Variants in NARF observed in about 807,000 individuals in gnomAD.
The protein encoded by NARF is nuclear prelamin A recognition factor, also known as iron-only hydrogenase-like protein 2.
In NARF, 41 loss-of-function variants were observed where a neutral mutation model predicts 48.0. The observed-to-expected ratio is 0.85, with a 90% CI of 0.66 to 1.11. The LOEUF (loss-of-function observed/expected upper bound fraction) is 1.11, where lower values mean the gene tolerates loss of function less well. Among genes scored for constraint, NARF ranks in the 50% least tolerant of loss-of-function variants. NARF has a pLI of 0.00. For synonymous variants in NARF, 215 were observed against 225.5 expected, an observed-to-expected ratio of 0.95 and a Z score of 0.42; for missense variants, 613 against 590.2, an observed-to-expected ratio of 1.04 and a Z score of -0.40.
intron 1 of NARF, 112 bp downstream of exon 1, chr17:82,458,942 GCGCCCC>G: frequency 8.1e-7 from 1 of 1,230,270 alleles, no homozygotes; most frequent in Non-Finnish European, 1.0e-6. Flanking sequence ...GCTCTTCAAG[GCGCCCC>G]CGGCCTCGGC....
intron 10 of NARF, 118 bp downstream of exon 10, chr17:82,485,772 A>AGAG: frequency 8.3e-7 from 1 of 1,211,950 alleles, no homozygotes; most frequent in Non-Finnish European, 1.2e-6. Context: ...CAGCCCTGAG[A>AGAG]GCTTTGTAGG....
intron 10 of NARF, among the ~76,000 whole-genome samples, chr17:82,486,520 G>A (rs950034117): frequency 6.6e-6 from 1 of 152,194 alleles, no homozygotes; most frequent in Non-Finnish European, 1.5e-5. Flanking sequence ...AGGAGGGGAG[G>A]CCTCAGCCAG....
At position 82,460,094 on chromosome 17, in the gene NARF, G is replaced by A; in HGVS notation, c.108+22G>A. 2 of 1,603,778 alleles carry A rather than the reference G, an allele frequency of 1.2e-6. 1 individual carries two copies. The highest frequency in any genetic ancestry group is 1.7e-6 in the Non-Finnish European group (2 of 1,170,914). ...AGAGGCAAGTAGATTTTTCAGTTTTGTATCAGCCCAGAGTAAACTACTGCT... is the reference window on the plus strand; with the variant it reads ...AGAGGCAAGTAGATTTTTCAGTTTTATATCAGCCCAGAGTAAACTACTGCT... On this transcript the variant is annotated intron_variant, in intron 2 of 10. Coordinates refer to ENST00000309794, the MANE Select transcript of NARF (RefSeq NM_012336.4).
At chr17:82,480,073 G>A (rs1419258677) in intron 6 of NARF, 2 of 179,110 alleles carry the variant, frequency 1.1e-5, no homozygotes, top group Admixed American at 6.3e-5. Context: ...TGCAACCAGG[G>A]GCGGGTTTCC....
Position 82,489,095 on chromosome 17 carries a change from CTG to C in NARF, c.*940_*941del, listed in dbSNP as rs886830536. 11 of 152,862 alleles carry C rather than the reference CTG, an allele frequency of 7.2e-5. No homozygotes were observed. Among genetic ancestry groups the C allele is most frequent in the East Asian group, 1.9e-4 (1 of 5,196 alleles). 9.5% of individuals were successfully genotyped at this position (152,862 alleles called of 1,614,324 possible). A position where few individuals can be genotyped will look rare whatever the true frequency, so the allele number is the denominator to read the frequency against. On this transcript the variant is annotated 3_prime_UTR_variant, in exon 11 of 11. Transcript: ENST00000309794. ...GGATTTTCAGCTTTTCTTAGAAAAA[CTG>C]TAGTTTCTGACAACAGTAGGCCCCA...
At chr17:82,458,499 C>T (rs1166313532), upstream of NARF, 16 of 364,868 alleles carry the variant, frequency 4.4e-5, no homozygotes, top group African/African-American at 8.4e-5. Context: ...GACCCGGTCC[C>T]CCCGGCGCCG....
At chr17:82,483,024 T>TAA (rs981707930) in intron 7 of NARF, 1 of 144,354 alleles carries the variant, frequency 6.9e-6, no homozygotes, top group South Asian at 2.2e-4. Flanking sequence ...CCTTGTTTCT[T>TAA]AAAAAAAAAA....
chr17:82,476,007 T>TTTTA (rs1253954075), intron 5 of NARF, among the ~76,000 whole-genome samples: 3 of 152,134 alleles, frequency 2.0e-5, no homozygotes, highest in East Asian at 1.9e-4. Context: ...TTATTTTTTA[T>TTTTA]TTTATTTATT....
At chr17:82,467,468 T>G (rs967193162) in intron 3 of NARF, among the ~76,000 whole-genome samples, 7 of 151,994 alleles carry the variant, frequency 4.6e-5, no homozygotes, top group African/African-American at 9.7e-5. Flanking sequence ...ATCTTAGGCC[T>G]GGTAACTTTT....
Position 82,485,600 on chromosome 17 carries a change from C to T in NARF, c.1075C>T (p.Leu359Phe). Residue 359 changes from leucine to phenylalanine, a missense_variant, in exon 10 of 11, where the codon CTT becomes TTT. Physicochemically the swap from Leu to Phe is conservative, Grantham distance 22 (BLOSUM62 0). Transcript: ENST00000309794. ...FRNIQNMILK[L>F]KKGKFPFHFV... The stretch of plus-strand genomic sequence containing the variant: ...AAACATCCAGAACATGATCCTGAAG[C>T]TTAAGAAGGGCAAGTTCCCATTCCA... 6.2e-7 allele frequency: 1 copy of T among 1,614,188 alleles called. No individual in the cohort carries two copies. Among genetic ancestry groups the T allele is most frequent in the Non-Finnish European group, 8.5e-7 (1 of 1,180,044 alleles).
intron 3 of NARF, among the ~76,000 whole-genome samples, chr17:82,468,025 G>C (rs185797117): frequency 4.6e-5 from 7 of 152,226 alleles, no homozygotes; most frequent in Admixed American, 4.6e-4. Flanking sequence ...TTAAGACAGA[G>C]TATTGGCCAG....
chr17:82,488,074 A>G lies in NARF; in HGVS notation c.1288A>G (p.Asn430Asp). The G allele has an allele frequency of 6.2e-7, 1 of 1,614,022 alleles. No homozygotes were observed. Among genetic ancestry groups the G allele is most frequent in the Non-Finnish European group, 8.5e-7 (1 of 1,180,036 alleles). The change falls in exon 11 of 11, where the codon AAC becomes GAC. Residue 430 changes from asparagine to aspartate, a missense_variant. Coordinates refer to ENST00000309794, the MANE Select transcript of NARF (RefSeq NM_012336.4). ...ELYQEWLEGI[N>D]SPKAREVLHT... ...GTACCAGGAGTGGCTGGAGGGGATC[A>G]ACTCCCCCAAGGCCCGAGAGGTGCT...
chr17:82,464,870 C>T (rs2043526196), intron 3 of NARF, among the ~76,000 whole-genome samples: 1 of 152,232 alleles, frequency 6.6e-6, no homozygotes, highest in Non-Finnish European at 1.5e-5. Context: ...ATTCCCAAAG[C>T]TCCTTCCTTC....
At chr17:82,459,528 A>G (rs540573788) in intron 1 of NARF, 73 of 157,858 alleles carry the variant, frequency 4.6e-4, no homozygotes, top group Admixed American at 9.4e-4. Context: ...TAAACAATAG[A>G]GATGTGTGTG....
upstream of NARF, chr17:82,458,433 G>C (rs2043337733): frequency 4.5e-6 from 1 of 221,782 alleles, no homozygotes; most frequent in Admixed American, 5.9e-5. Context: ...CCTGGTGAAC[G>C]CCGCTTGGCC....
chr17:82,482,938 G>A (rs2044006749), intron 7 of NARF, among the ~76,000 whole-genome samples: 1 of 151,738 alleles, frequency 6.6e-6, no homozygotes, highest in Non-Finnish European at 1.5e-5. Flanking sequence ...GGGATTACAG[G>A]TGCGCCCCAC....
At position 82,481,126 on chromosome 17, in the gene NARF, T is replaced by C. The variant is rs779249239; in HGVS notation, c.684T>C (p.Cys228=). The part of the protein sequence containing the change: ...EKIFHVIVAP[C]YDKKLEALQE... Reference sequence around the variant, plus strand: ...TTTTCCACGTCATTGTGGCCCCTTGTTATGACAAGAAGCTGGAGGCTCTTC... The same window carrying C: ...TTTTCCACGTCATTGTGGCCCCTTGCTATGACAAGAAGCTGGAGGCTCTTC... Residue 228 remains cysteine, a synonymous_variant, in exon 7 of 11, where the codon TGT becomes TGC. Coordinates refer to ENST00000309794, the MANE Select transcript of NARF (RefSeq NM_012336.4). 22 of 1,613,976 alleles carry C rather than the reference T, an allele frequency of 1.4e-5. 1 individual carries two copies. In the South Asian group the frequency reaches 1.8e-4, roughly 13 times the overall value.
At position 82,483,772 on chromosome 17, in the gene NARF, G is replaced by A. The variant is rs202157877; in HGVS notation, c.826G>A (p.Asp276Asn). The A allele has an allele frequency of 6.8e-6, 11 of 1,613,602 alleles. No individual in the cohort carries two copies. Among genetic ancestry groups the A allele is most frequent in the Admixed American group, 1.7e-5 (1 of 60,016 alleles). ...CCTCTCAGTGAGAGATGCTGCCGTCGACACTCTGTAAGTGGCTTCTCTGGG... is the reference window on the plus strand; with the variant it reads ...CCTCTCAGTGAGAGATGCTGCCGTCAACACTCTGTAAGTGGCTTCTCTGGG... ...GDLSVRDAAV[D>N]TLFGDLKEDK... Residue 276 changes from aspartate to asparagine, a missense_variant, in exon 8 of 11, where the codon GAC (aspartate) becomes AAC (asparagine). Coordinates refer to ENST00000309794, the MANE Select transcript of NARF (RefSeq NM_012336.4).
At chr17:82,477,801 A>G (rs907227453) in intron 5 of NARF, 1 of 152,120 alleles carries the variant, frequency 6.6e-6, no homozygotes, top group African/African-American at 2.4e-5. Context: ...GGCGTGAGCT[A>G]CTGCGCCCGG....
Sources: allele counts gnomAD v4.1 joint callset (sites outside exome capture counted in the v4.1 genomes callset), GRCh38; gene constraint gnomAD v4.1.1; transcripts MANE v1.5; gene names NCBI Gene and HGNC (gene_info 2026-07-23, HGNC 2026-07-21).